Variants in MAST3 observed in about 807,000 individuals in gnomAD.
The protein encoded by MAST3 is microtubule associated serine/threonine kinase 3.
In MAST3, 43 loss-of-function variants were observed where a neutral mutation model predicts 127.0. The ratio of observed to expected loss-of-function variants is 0.34; its 90% confidence interval spans 0.27 to 0.44. MAST3 has a LOEUF of 0.44. Among genes scored for constraint, MAST3 ranks in the 20% least tolerant of loss-of-function variants. The pLI is 1.00. For missense variants in MAST3, 1,390 were observed against 1,919.1 expected (o/e 0.72, Z 5.15); for synonymous variants, 785 against 809.2 (o/e 0.97, Z 0.51).
chr19:18,136,816 T>C (rs796469085), intron 18 of MAST3, among the ~76,000 whole-genome samples: 3 of 152,066 alleles, frequency 2.0e-5, no homozygotes, highest in African/African-American at 7.2e-5. Context: ...TTCTTTGTTG[T>C]TGTTGTTGTT....
intron 3 of MAST3, chr19:18,118,068 C>A (rs1006201946): frequency 3.3e-5 from 32 of 984,226 alleles, no homozygotes; most frequent in South Asian, 1.9e-4. Flanking sequence ...CGTGCGCCCC[C>A]CTCCCTGTCC....
rs765569064 is a variant in MAST3 at position 18,147,057 on chromosome 19, C to T, written c.3326+13C>T. ...CCACCAGGGAGCGGTACACAGGGGG[C>T]GGGGCCACGGGGACTGGGGTTCTTT... is the stretch of plus-strand genomic sequence containing the variant. On this transcript the variant is annotated intron_variant, in intron 26 of 27. Transcript: ENST00000687212. 104 of 1,321,816 alleles carry T rather than the reference C, an allele frequency of 7.9e-5. No individual in the cohort carries two copies. Among genetic ancestry groups the T allele is most frequent in the Non-Finnish European group, 9.6e-5 (95 of 991,806 alleles). The allele number at this position is 1,321,816 out of a possible 1,614,324, so 81.9% of individuals were successfully genotyped here.
chr19:18,139,542 C>G (rs893287075), intron 20 of MAST3, among the ~76,000 whole-genome samples: 2 of 152,168 alleles, frequency 1.3e-5, no homozygotes, highest in African/African-American at 4.8e-5. Flanking sequence ...CCAGGCTGGT[C>G]TCAAACTCCT....
intron 18 of MAST3, 86 bp downstream of exon 18, chr19:18,135,927 A>T: frequency 9.7e-6 from 10 of 1,036,004 alleles, no homozygotes; most frequent in Non-Finnish European, 1.4e-5. Context: ...CGGGGTAGAC[A>T]AGAGTTCTAC....
At position 18,134,929 on chromosome 19, in the gene MAST3, G is replaced by T; in HGVS notation, c.1817G>T (p.Cys606Phe). ...GVVLYEFLVG[C>F]VPFFGDTPEE... Reference sequence around the variant, plus strand: ...GTCCTCTATGAGTTTCTGGTGGGCTGCGTGCCTTTCTTTGGAGATACCCCC... The same window carrying T: ...GTCCTCTATGAGTTTCTGGTGGGCTTCGTGCCTTTCTTTGGAGATACCCCC... Residue 606 changes from cysteine (C) to phenylalanine (F), a missense_variant, in exon 17 of 28, where the codon TGC becomes TTC. By Grantham distance (205) the Cys-to-Phe change is radical. This residue lies in a region of MAST3 where 191 missense variants were observed against 409.0 expected (regional missense o/e 0.47). Transcript: ENST00000687212. The T allele has an allele frequency of 2.5e-6, 4 of 1,613,968 alleles. No homozygotes were observed. Among genetic ancestry groups the T allele is most frequent in the Non-Finnish European group, 2.5e-6 (3 of 1,179,884 alleles).
At chr19:18,120,763 G>A (rs1314789320) in intron 3 of MAST3, among the ~76,000 whole-genome samples, 1 of 151,880 alleles carries the variant, frequency 6.6e-6, no homozygotes, top group Non-Finnish European at 1.5e-5. Context: ...TTTCACTCTT[G>A]TTGCCCAGGC....
Position 18,144,082 on chromosome 19 carries a change from C to A in MAST3, c.2584+75C>A. The A allele has an allele frequency of 6.6e-7, 1 of 1,510,496 alleles. No homozygotes were observed. Among genetic ancestry groups the A allele is most frequent in the Admixed American group, 2.1e-5 (1 of 47,702 alleles). 93.6% of individuals were successfully genotyped at this position (1,510,496 alleles called of 1,614,324 possible). ...GGAGGGGCTATTTGAGATGGGTTTT[C>A]AAGGATGAGTAGGAGTTCTCCAGAG... On this transcript the variant is annotated intron_variant, in intron 22 of 27. Coordinates refer to ENST00000687212, the MANE Select transcript of MAST3 (RefSeq NM_001393504.1). This position sits in a 1 kb window ranked among gnomAD's most constrained non-coding sequence, Gnocchi z 4.0.
chr19:18,123,731 C>A, intron 8 of MAST3, 76 bp downstream of exon 8: 1 of 1,259,056 alleles, frequency 7.9e-7, no homozygotes, highest in East Asian at 2.5e-5. Context: ...ACTCTGTCTT[C>A]CTGGCTATGT....
chr19:18,112,375 C>T lies in MAST3; in HGVS notation c.161+1634C>T, dbSNP rs1047154408. Among the ~76,000 whole-genome samples, 9 of 152,126 alleles carry T rather than the reference C, an allele frequency of 5.9e-5. No homozygotes were observed. The highest frequency in any genetic ancestry group is 1.3e-4 in the Non-Finnish European group (9 of 68,018). ...TTTGAGAAGGGATCTTGCTCTGTTG[C>T]CCAGGCTGGAGTCCAGTGGTACCAT... On this transcript the variant is annotated intron_variant, in intron 3 of 27. Transcript: ENST00000687212. The surrounding 1 kb of genome is among the most constrained non-coding windows in gnomAD (Gnocchi z 4.1).
At chr19:18,120,913 G>A (rs118129530) in intron 3 of MAST3, among the ~76,000 whole-genome samples, 2,824 of 152,118 alleles carry the variant, frequency 0.019, 86 homozygotes, top group Admixed American at 0.074. Flanking sequence ...TACAGAAAGG[G>A]TTCCTCCCTG....
rs1365294777 is a variant in MAST3, at chr19:18,151,649, T to C, written c.*1923T>C. On this transcript the variant is annotated 3_prime_UTR_variant, in exon 28 of 28. Coordinates refer to ENST00000687212, the MANE Select transcript of MAST3 (RefSeq NM_001393504.1). The stretch of plus-strand genomic sequence containing the variant: ...GTGCATGATTCACCCCCTCCTTCCA[T>C]CCTGGAGCTGGCAGTGAATAAAAGC... The C allele has an allele frequency of 6.6e-6, 1 of 152,180 alleles. No individual in the cohort carries two copies. The allele number at this position is 152,180 out of a possible 1,614,324, so 9.4% of individuals were successfully genotyped here.
intron 1 of MAST3, chr19:18,098,758 A>G (rs1018464046): frequency 4.4e-6 from 2 of 456,552 alleles, no homozygotes; most frequent in African/African-American, 4.0e-5. Context: ...CACTTACCCA[A>G]CGAACATTTA....
In MAST3 at chr19:18,110,125, C is replaced by T. The variant is rs1033199454; in HGVS notation, c.72-527C>T. On this transcript the variant is annotated intron_variant, in intron 2 of 27. Transcript: ENST00000687212. This position sits in a 1 kb window ranked among gnomAD's most constrained non-coding sequence, Gnocchi z 4.3. The stretch of plus-strand genomic sequence containing the variant: ...GGGCCTGCGCGCAGGTGCGGAGCTG[C>T]GATCCCCGCCCCGAGGCGGAGCCAG... 145 of 985,220 alleles carry T rather than the reference C, an allele frequency of 1.5e-4. No homozygotes were observed. Among genetic ancestry groups the T allele is most frequent in the Non-Finnish European group, 1.7e-4 (142 of 829,940 alleles). 61.0% of individuals were successfully genotyped at this position (985,220 alleles called of 1,614,324 possible).
Position 18,145,620 on chromosome 19 carries a change from A to G in MAST3, c.3040-123A>G. 1 of 1,177,602 alleles carries G rather than the reference A, an allele frequency of 8.5e-7. No individual in the cohort carries two copies. The highest frequency in any genetic ancestry group is 3.2e-5 in the Admixed American group (1 of 31,476). 72.9% of individuals were successfully genotyped at this position (1,177,602 alleles called of 1,614,324 possible). ...GGTGAGTAGGAGTTCCCCCAGGATC[A>G]GGGAAACTGAGACAGCACAAGAGGC... is the stretch of plus-strand genomic sequence containing the variant. On this transcript the variant is annotated intron_variant, in intron 24 of 27. Coordinates refer to ENST00000687212, the MANE Select transcript of MAST3 (RefSeq NM_001393504.1). The surrounding 1 kb of genome is among the most constrained non-coding windows in gnomAD (Gnocchi z 5.9).
At position 18,147,099 on chromosome 19, in the gene MAST3, C is replaced by CTTTT. The variant is rs147946466; in HGVS notation, c.3326+74_3326+77dup. The CTTTT allele has an allele frequency of 9.3e-3, 8,283 of 890,180 alleles. 4 individuals are homozygous for CTTTT. Among genetic ancestry groups the CTTTT allele is most frequent in the Admixed American group, 0.012 (250 of 20,596 alleles). 55.1% of individuals were successfully genotyped at this position (890,180 alleles called of 1,614,324 possible). A position where few individuals can be genotyped will look rare whatever the true frequency, so the allele number is the denominator to read the frequency against. On this transcript the variant is annotated intron_variant, in intron 26 of 27. Coordinates refer to ENST00000687212, the MANE Select transcript of MAST3 (RefSeq NM_001393504.1). ...GGGTTCTTTTTTTCTTTTCTTTTTC[C>CTTTT]TTTTTTTTTTTTTTTTTTTTTTGAG... is the stretch of plus-strand genomic sequence containing the variant.
intron 19 of MAST3, 91 bp from the exon 20 acceptor site, chr19:18,138,924 C>T: frequency 2.3e-6 from 2 of 858,298 alleles, no homozygotes; most frequent in Non-Finnish European, 3.8e-6. Flanking sequence ...GGCAGTGACC[C>T]TATCCTGAGA....
chr19:18,138,208 GAAAAAAAA>G (rs72398038), intron 19 of MAST3, among the ~76,000 whole-genome samples: 81,927 of 142,952 alleles, frequency 0.57, 23,336 homozygotes, highest in South Asian at 0.67. Flanking sequence ...AAAACTGCCT[GAAAAAAAA>G]AAAAAAAAAA....
Position 18,144,120 on chromosome 19 carries a change from T to G in MAST3, c.2584+113T>G. ...GAGTTCTCCAGAGCCAACAAAGGCTTTAAGAGAGGAGAAGCCAGGGTCCCA... is the reference window on the plus strand; with the variant it reads ...GAGTTCTCCAGAGCCAACAAAGGCTGTAAGAGAGGAGAAGCCAGGGTCCCA... On this transcript the variant is annotated intron_variant, in intron 22 of 27. Coordinates refer to ENST00000687212, the MANE Select transcript of MAST3 (RefSeq NM_001393504.1). The surrounding 1 kb of genome is among the most constrained non-coding windows in gnomAD (Gnocchi z 4.0). 1 of 1,407,074 alleles carries G rather than the reference T, an allele frequency of 7.1e-7. No homozygotes were observed. Among genetic ancestry groups the G allele is most frequent in the Non-Finnish European group, 9.4e-7 (1 of 1,062,100 alleles). The allele number at this position is 1,407,074 out of a possible 1,614,324, so 87.2% of individuals were successfully genotyped here. A position where few individuals can be genotyped will look rare whatever the true frequency, so the allele number is the denominator to read the frequency against.
Position 18,144,743 on chromosome 19 carries a change from C to A in MAST3, c.2812+50C>A. 6.3e-7 allele frequency: 1 copy of A among 1,581,922 alleles called. No homozygotes were observed. The highest frequency in any genetic ancestry group is 1.3e-5 in the African/African-American group (1 of 74,672). On this transcript the variant is annotated intron_variant, in intron 23 of 27. Coordinates refer to ENST00000687212, the MANE Select transcript of MAST3 (RefSeq NM_001393504.1). The surrounding 1 kb of genome is among the most constrained non-coding windows in gnomAD (Gnocchi z 4.0). The stretch of plus-strand genomic sequence containing the variant: ...TTTGTCTGTCTGCACCCATTTTCAC[C>A]AACAGGGTGGGGGCCCTTCCTGAGT...
Sources: gnomAD v4.1 joint callset for allele counts (sites outside exome capture counted in the v4.1 genomes callset) on GRCh38, gnomAD v4.1.1 for gene constraint, gnomAD v4.1.1 regional missense constraint, Gnocchi (gnomAD v3.1) non-coding constraint, MANE v1.5 for transcripts, NCBI Gene and HGNC (gene_info 2026-07-23, HGNC 2026-07-21) for gene names.